CCDC3: variants seen among roughly 807,000 people sequenced by gnomAD.
The protein encoded by CCDC3 is coiled-coil domain containing 3.
A neutral mutation model predicts 21.4 loss-of-function variants in CCDC3; 24 were observed. That is an observed-to-expected ratio of 1.12 (90% CI 0.81 to 1.58). The LOEUF (loss-of-function observed/expected upper bound fraction) is 1.58. Among genes scored for constraint, CCDC3 ranks in the 40% most tolerant of loss-of-function variants. The probability of loss-of-function intolerance (pLI) is 0.00; values close to 1 mark genes in which losing one functional copy is unlikely to be tolerated. For missense variants in CCDC3, 425 were observed against 360.9 expected, an observed-to-expected ratio of 1.18 and a Z score of -1.44; for synonymous variants, 186 against 166.0, an observed-to-expected ratio of 1.12 and a Z score of -0.93.
intron 2 of CCDC3, among the ~76,000 whole-genome samples, chr10:12,981,177 ATTTTTTTTT>A (rs59193619): frequency 1.9e-5 from 2 of 105,558 alleles, no homozygotes; most frequent in African/African-American, 7.8e-5. Context: ...CTGGCCCAGG[ATTTTTTTTT>A]TTTTTTTTTT....
chr10:12,994,026 G>T (rs1273685193), intron 2 of CCDC3, among the ~76,000 whole-genome samples: 1 of 152,174 alleles, frequency 6.6e-6, no homozygotes, highest in Admixed American at 6.5e-5. Flanking sequence ...TCAGGGAAGA[G>T]AATGAAATGT....
chr10:12,951,713 G>A (rs768215227), intron 2 of CCDC3, among the ~76,000 whole-genome samples: 15 of 135,020 alleles, frequency 1.1e-4, no homozygotes, highest in Middle Eastern at 4.8e-3. Flanking sequence ...GCTGAGGCAG[G>A]AGAATCACTT....
chr10:12,934,713 A>C (rs1292346569), intron 2 of CCDC3, among the ~76,000 whole-genome samples: 1 of 152,086 alleles, frequency 6.6e-6, no homozygotes, highest in Non-Finnish European at 1.5e-5. Context: ...TATATCTGAT[A>C]CCTTTTCTTG....
At chr10:13,034,631 G>C (rs1451387318) in intron 5 of CCDC3, among the ~76,000 whole-genome samples, 1 of 151,180 alleles carries the variant, frequency 6.6e-6, no homozygotes, top group Non-Finnish European at 1.5e-5. Context: ...GACCTTTTTT[G>C]TATTAGTTCA....
intron 4 of CCDC3, chr10:13,058,288 G>A (rs767278297): frequency 5.1e-6 from 7 of 1,364,246 alleles, no homozygotes; most frequent in Non-Finnish European, 5.2e-6. Context: ...TTTCCACATC[G>A]TATTCATCGC....
chr10:12,942,846 T>C (rs1046904823), intron 2 of CCDC3, among the ~76,000 whole-genome samples: 4 of 152,178 alleles, frequency 2.6e-5, no homozygotes, highest in African/African-American at 9.7e-5. Flanking sequence ...TCTCTTTCTC[T>C]CGCCTATTCA....
intron 2 of CCDC3, among the ~76,000 whole-genome samples, chr10:12,988,385 C>A (rs745838497): frequency 1.3e-5 from 2 of 151,962 alleles, no homozygotes; most frequent in Admixed American, 6.6e-5. Flanking sequence ...TCGTTCTTGT[C>A]GCCCAGGCTG....
intron 2 of CCDC3, among the ~76,000 whole-genome samples, chr10:12,957,006 ATG>A (rs1342947685): frequency 6.6e-6 from 1 of 152,174 alleles, no homozygotes; most frequent in Admixed American, 6.5e-5. Context: ...CCCTTATGAG[ATG>A]TGTATGTACC....
At position 12,994,351 on chromosome 10, in the gene CCDC3, T is replaced by C. The variant is rs183990375; in HGVS notation, c.549+3987A>G. On this transcript the variant is annotated intron_variant, in intron 2 of 2. Transcript: ENST00000378825. ...AGACAGAGGCTGCAGTAAGCCGAGA[T>C]TGCATCACTGCACTCCAACCTGGGC... is the stretch of plus-strand genomic sequence containing the variant. Among the ~76,000 whole-genome samples the C allele has an allele frequency of 5.9e-4, 89 of 151,044 alleles. No homozygotes were observed. In the East Asian group the frequency reaches 0.011, roughly 19 times the overall value.
chr10:13,012,614 A>T (rs1480813265), intron 5 of CCDC3, among the ~76,000 whole-genome samples: 1 of 152,024 alleles, frequency 6.6e-6, no homozygotes, highest in Non-Finnish European at 1.5e-5. Flanking sequence ...GAAGTTCATT[A>T]AGAAAAAGAA....
At chr10:13,050,434 A>T (rs530666350) in intron 4 of CCDC3, among the ~76,000 whole-genome samples, 2 of 150,054 alleles carry the variant, frequency 1.3e-5, no homozygotes, top group Non-Finnish European at 3.0e-5. Flanking sequence ...AACTGGTAAT[A>T]GTCATCACTG....
intron 2 of CCDC3, among the ~76,000 whole-genome samples, chr10:12,985,998 C>T (rs2131275683): frequency 6.6e-6 from 1 of 152,320 alleles, no homozygotes; most frequent in African/African-American, 2.4e-5. Context: ...GCCTCAGTCT[C>T]CTGAGTAGCT....
intron 2 of CCDC3, among the ~76,000 whole-genome samples, chr10:12,964,846 A>C (rs10906272): frequency 0.86 from 131,212 of 152,148 alleles, 57,651 homozygotes; most frequent in East Asian, 0.95. Context: ...AATTTAAAGT[A>C]GTATGTAGGA....
chr10:12,919,701 C>T (rs529191211), intron 2 of CCDC3, among the ~76,000 whole-genome samples: 19 of 152,030 alleles, frequency 1.2e-4, no homozygotes, highest in Non-Finnish European at 2.5e-4. Context: ...TTGCATCTTG[C>T]AGCTCCTTCC....
chr10:12,944,824 T>C (rs947901215), intron 2 of CCDC3, among the ~76,000 whole-genome samples: 1 of 152,228 alleles, frequency 6.6e-6, no homozygotes, highest in Admixed American at 6.5e-5. Context: ...AATGTCTCAT[T>C]GTCATGAGCA....
At chr10:13,034,774 CAGCACTTTGGGCGGCCAA>C (rs1836356373) in intron 5 of CCDC3, among the ~76,000 whole-genome samples, 1 of 152,026 alleles carries the variant, frequency 6.6e-6, no homozygotes, top group Non-Finnish European at 1.5e-5. Context: ...CCTGTAATCC[CAGCACTTTGGGCGGCCAA>C]AGTGGGTGGA....
At chr10:12,924,176 C>G (rs950611135) in intron 2 of CCDC3, among the ~76,000 whole-genome samples, 2 of 152,186 alleles carry the variant, frequency 1.3e-5, no homozygotes, top group Admixed American at 1.3e-4. Flanking sequence ...TCCCTGAAAT[C>G]TGTAAAGGAG....
intron 5 of CCDC3, among the ~76,000 whole-genome samples, chr10:13,016,469 T>C (rs1196111033): frequency 6.6e-6 from 1 of 152,032 alleles, no homozygotes; most frequent in Non-Finnish European, 1.5e-5. Flanking sequence ...ATTTCCTACT[T>C]GTTCAGGGCC....
chr10:13,046,947 TA>T (rs57820167), intron 5 of CCDC3, among the ~76,000 whole-genome samples: 2,462 of 135,518 alleles, frequency 0.018, 45 homozygotes, highest in African/African-American at 0.054. Flanking sequence ...ATTCACTTTC[TA>T]AAAAAAAAAA....
Sources: allele counts gnomAD v4.1 joint callset (sites outside exome capture counted in the v4.1 genomes callset), GRCh38; gene constraint gnomAD v4.1.1; transcripts MANE v1.5; gene names NCBI Gene and HGNC (gene_info 2026-07-23, HGNC 2026-07-21).